The following LRRC27 variants were observed in gnomAD, a reference collection of about 807,000 sequenced individuals.
The protein encoded by LRRC27 is leucine rich repeat containing 27.
LRRC27 carries 57 observed loss-of-function variants against 55.0 expected under a neutral mutation model. The ratio of observed to expected loss-of-function variants is 1.04; its 90% CI spans 0.84 to 1.29. The LOEUF is 1.29. LRRC27 is among the 50% of genes most tolerant of loss of function. The pLI is 0.00. For synonymous variants in LRRC27, 278 were observed against 251.9 expected, an observed-to-expected ratio of 1.10 and a Z score of -0.98; for missense variants, 721 against 651.5, an observed-to-expected ratio of 1.11 and a Z score of -1.16.
rs2069388257 is a variant in LRRC27 at position 132,379,817 on chromosome 10, T to TTATAAG, written c.*4577_*4582dup. 6.6e-6 allele frequency: 1 copy of TTATAAG among 152,278 alleles called. No homozygotes were observed. The highest frequency in any genetic ancestry group is 1.5e-5 in the Non-Finnish European group (1 of 68,096). 9.4% of individuals were successfully genotyped at this position (152,278 alleles called of 1,614,324 possible). A position where few individuals can be genotyped will look rare whatever the true frequency, so the allele number is the denominator to read the frequency against. On this transcript the variant is annotated 3_prime_UTR_variant, in exon 11 of 11. Coordinates refer to ENST00000368614, the MANE Select transcript of LRRC27 (RefSeq NM_030626.3). ...AAGAGTTTGAATTATAAGGGTCCAC[T>TTATAAG]TATAAGTGGATTTTTAAAAAAATAT...
intron 2 of LRRC27, chr10:132,336,955 C>A: frequency 1.6e-6 from 1 of 629,210 alleles, no homozygotes. Flanking sequence ...AGCGTGTATA[C>A]GTTCATCTTC....
upstream of LRRC27, chr10:132,330,207 C>G (rs1289236503): frequency 9.6e-6 from 5 of 521,648 alleles, no homozygotes; most frequent in African/African-American, 9.6e-5. Context: ...CAATTAACTA[C>G]TGACTACAAA....
rs923296306 is a variant in LRRC27 at position 132,372,767 on chromosome 10, C to T, written c.1417-2299C>T. ...AGAGACCTGCAGAAGGTCAGGTGCA[C>T]AACCGACCAGGAGGGCTGGCCAGCT... On this transcript the variant is annotated intron_variant, in intron 10 of 10. Coordinates refer to ENST00000368614, the MANE Select transcript of LRRC27 (RefSeq NM_030626.3). The surrounding 1 kb of genome is among the most constrained non-coding windows in gnomAD (Gnocchi z 4.0). Among the ~76,000 whole-genome samples, 5 of 152,208 alleles carry T rather than the reference C, an allele frequency of 3.3e-5. No homozygotes were observed. The highest frequency in any genetic ancestry group is 2.4e-5 in the African/African-American group (1 of 41,444).
chr10:132,358,708 TGTGGGGAGGAGCCAAGGTGGTGGAGCAGC>T (rs2068445350), intron 8 of LRRC27, among the ~76,000 whole-genome samples: 1 of 32,900 alleles, frequency 3.0e-5, no homozygotes, highest in Non-Finnish European at 5.5e-5. Context: ...GGTAGAGCAG[TGTGGGGAGGAGCCAAGGTGGTGGAGCAGC>T]GTGGGGAGGA....
At chr10:132,346,601 G>A (rs1024289393) in intron 5 of LRRC27, among the ~76,000 whole-genome samples, 9 of 152,310 alleles carry the variant, frequency 5.9e-5, no homozygotes, top group Admixed American at 4.6e-4. Flanking sequence ...GTGTGAACCC[G>A]GGAGGCGGAG....
intron 1 of LRRC27, 39 bp from the exon 2 acceptor site, chr10:132,333,438 A>T: frequency 1.0e-6 from 1 of 961,664 alleles, no homozygotes; most frequent in Non-Finnish European, 1.5e-6. Flanking sequence ...GCCTCGGTAT[A>T]ATTAGTTGCT....
intron 7 of LRRC27, among the ~76,000 whole-genome samples, 195 bp from the exon 8 acceptor site, chr10:132,355,595 C>T (rs536653897): frequency 7.2e-5 from 11 of 152,306 alleles, no homozygotes; most frequent in Middle Eastern, 3.4e-3. Context: ...GGATAGAACC[C>T]GGCATTCCCG....
intron 10 of LRRC27, among the ~76,000 whole-genome samples, chr10:132,371,104 G>A (rs760044659): frequency 1.3e-5 from 2 of 152,274 alleles, no homozygotes; most frequent in Non-Finnish European, 2.9e-5. Context: ...ACCTCTAGAA[G>A]CAGAGGGTCT....
At chr10:132,335,628 T>C (rs2067090400) in intron 2 of LRRC27, among the ~76,000 whole-genome samples, 1 of 152,044 alleles carries the variant, frequency 6.6e-6, no homozygotes. Flanking sequence ...GGGTAGGGGC[T>C]GTACGGTGCA....
At position 132,365,567 on chromosome 10, in the gene LRRC27, T is replaced by C. The variant is rs761202558; in HGVS notation, c.1416+17T>C. 11 of 1,610,382 alleles carry C rather than the reference T, an allele frequency of 6.8e-6. No individual in the cohort carries two copies. In the Admixed American group the frequency reaches 1.2e-4, roughly 17 times the overall value. ...CTGGAAATTGTAAGGATTTCTTGGT[T>C]CTGTTTAAAAAAGTGTGGGGTGTTT... On this transcript the variant is annotated intron_variant, in intron 10 of 10. Coordinates refer to ENST00000368614, the MANE Select transcript of LRRC27 (RefSeq NM_030626.3).
At chr10:132,331,053 T>C (rs1195833518), upstream of LRRC27, among the ~76,000 whole-genome samples, 2 of 150,752 alleles carry the variant, frequency 1.3e-5, no homozygotes, top group East Asian at 2.0e-4. Context: ...ATACAAAAAT[T>C]AGCTGGACGT....
intron 4 of LRRC27, among the ~76,000 whole-genome samples, chr10:132,343,495 G>C (rs1183790147): frequency 2.0e-5 from 3 of 152,220 alleles, no homozygotes; most frequent in Admixed American, 6.5e-5. Context: ...GAAGGAGTTT[G>C]GGTGTGTTTG....
At chr10:132,351,350 T>C (rs1241702634) in intron 6 of LRRC27, 6 of 425,632 alleles carry the variant, frequency 1.4e-5, no homozygotes, top group Non-Finnish European at 2.6e-5. Flanking sequence ...CCAAGCCGAC[T>C]GTCAAGCGTC....
At chr10:132,349,250 G>A (rs1311432162) in intron 6 of LRRC27, among the ~76,000 whole-genome samples, 1 of 152,180 alleles carries the variant, frequency 6.6e-6, no homozygotes, top group Non-Finnish European at 1.5e-5. Flanking sequence ...GGCCGCAGTG[G>A]TCTGTGGTCC....
chr10:132,331,329 G>T, upstream of LRRC27: 1 of 1,109,716 alleles, frequency 9.0e-7, no homozygotes, highest in Non-Finnish European at 1.3e-6. Flanking sequence ...TGGAATGAAG[G>T]TGCACGGGAC....
chr10:132,330,668 C>G (rs1045479891), upstream of LRRC27, among the ~76,000 whole-genome samples: 6 of 124,798 alleles, frequency 4.8e-5, no homozygotes, highest in African/African-American at 1.9e-4. Flanking sequence ...CCACCACACC[C>G]AGCATTTTTT....
At chr10:132,340,394 C>T (rs1018031672) in intron 3 of LRRC27, among the ~76,000 whole-genome samples, 1 of 152,154 alleles carries the variant, frequency 6.6e-6, no homozygotes, top group Non-Finnish European at 1.5e-5. Context: ...GAACCCAGCC[C>T]CACCCAGCAG....
chr10:132,344,426 A>T (rs190329276), intron 4 of LRRC27, 72 bp from the exon 5 acceptor site: 1 of 1,428,154 alleles, frequency 7.0e-7, no homozygotes, highest in East Asian at 2.3e-5. Flanking sequence ...AAAAGTTACT[A>T]TTATTTATTC....
At chr10:132,330,416 T>C (rs1294881300), upstream of LRRC27, 19 of 716,932 alleles carry the variant, frequency 2.7e-5, no homozygotes, top group Non-Finnish European at 4.9e-5. Flanking sequence ...CTCCTCATTC[T>C]CTCCTTGCTC....
Sources: allele counts gnomAD v4.1 joint callset (sites outside exome capture counted in the v4.1 genomes callset), GRCh38; gene constraint gnomAD v4.1.1; non-coding constraint Gnocchi (gnomAD v3.1); transcripts MANE v1.5; gene names NCBI Gene and HGNC (gene_info 2026-07-23, HGNC 2026-07-21).